Variants in IRAK1BP1 observed in about 807,000 individuals in gnomAD.
The protein encoded by IRAK1BP1 is interleukin-1 receptor-associated kinase 1-binding protein 1.
IRAK1BP1 carries 24 observed loss-of-function variants against 28.0 expected under a neutral mutation model. The ratio of observed to expected loss-of-function variants is 0.86; its 90% CI spans 0.62 to 1.20. The LOEUF is 1.20. Among genes scored for constraint, IRAK1BP1 ranks in the 50% most tolerant of loss-of-function variants. The probability of loss-of-function intolerance (pLI) is 0.00; values close to 1 mark genes in which losing one functional copy is unlikely to be tolerated. For synonymous variants in IRAK1BP1, 131 were observed against 116.3 expected, an observed-to-expected ratio of 1.13 and a Z score of -0.81; for missense variants, 336 against 316.7, an observed-to-expected ratio of 1.06 and a Z score of -0.46.
the IRAK1BP1 span, among the ~76,000 whole-genome samples, chr6:78,978,373 C>G: frequency 4.8e-3 from 735 of 152,094 alleles, 7 homozygotes; most frequent in African/African-American, 0.017. Flanking sequence ...AAAACACTAA[C>G]AAAATTTTCA....
At chr6:78,921,152 G>A (rs1772713317) in intron 4 of IRAK1BP1, among the ~76,000 whole-genome samples, 1 of 152,128 alleles carries the variant, frequency 6.6e-6, no homozygotes, top group African/African-American at 2.4e-5. Flanking sequence ...AAGTGCAAGG[G>A]GTCAGGGAAT....
chr6:78,946,257 A>G lies in IRAK1BP1; in HGVS notation c.*917A>G, dbSNP rs1329814816. On this transcript the variant is annotated 3_prime_UTR_variant and NMD_transcript_variant, in exon 5 of 5. Transcript: ENST00000606868. ...GTTTTAAGATCCTTTTTTTCCTTTC[A>G]GGGCTGTAAATAAAATAGTATTGTC... 6 of 1,611,374 alleles carry G rather than the reference A, an allele frequency of 3.7e-6. No individual in the cohort carries two copies. The highest frequency in any genetic ancestry group is 1.7e-5 in the Admixed American group (1 of 59,672).
At chr6:78,941,103 C>T in intron 4 of IRAK1BP1, 1 of 1,613,974 alleles carries the variant, frequency 6.2e-7, no homozygotes, top group Non-Finnish European at 8.5e-7. Flanking sequence ...GAAGGAAGTA[C>T]TTCATCTCTG....
intron 1 of IRAK1BP1, among the ~76,000 whole-genome samples, chr6:78,880,276 G>T (rs1425595072): frequency 1.3e-5 from 2 of 152,106 alleles, no homozygotes; most frequent in Admixed American, 1.3e-4. Flanking sequence ...CTTAATGATT[G>T]AATATCCCAA....
At chr6:78,966,603 AAAC>A in the IRAK1BP1 span, among the ~76,000 whole-genome samples, 1 of 152,186 alleles carries the variant, frequency 6.6e-6, no homozygotes, top group Non-Finnish European at 1.5e-5. Context: ...AACAAAAATA[AAAC>A]AACTATTCTT....
chr6:78,882,007 G>A (rs1466202300), intron 1 of IRAK1BP1, among the ~76,000 whole-genome samples: 2 of 152,078 alleles, frequency 1.3e-5, no homozygotes, highest in South Asian at 2.1e-4. Context: ...GTATCTGTGT[G>A]CGTATATATA....
At chr6:78,955,092 TA>T in the IRAK1BP1 span, 1 of 883,722 alleles carries the variant, frequency 1.1e-6, no homozygotes. Context: ...CACCAAGTTC[TA>T]AAAAACATAC....
chr6:78,885,448 G>GTCCT lies in IRAK1BP1; in HGVS notation c.381+6_381+7insCCTT, dbSNP rs776690162. 1.3e-4 allele frequency: 153 copies of GTCCT among 1,159,794 alleles called. 1 individual carries two copies. The highest frequency in any genetic ancestry group is 1.7e-4 in the Non-Finnish European group (150 of 858,394). 71.8% of individuals were successfully genotyped at this position (1,159,794 alleles called of 1,614,324 possible). A position where few individuals can be genotyped will look rare whatever the true frequency, so the allele number is the denominator to read the frequency against. On this transcript the variant is annotated splice_donor_region_variant and intron_variant, in intron 2 of 3. Coordinates refer to ENST00000369940, the MANE Select transcript of IRAK1BP1 (RefSeq NM_001010844.4). Reference sequence around the variant, plus strand: ...GCTTATCACATGGAAGCAGAGGTATGTACTTAACAAATAATTGGAAGCAGC... The same window carrying GTCCT: ...GCTTATCACATGGAAGCAGAGGTATGTCCTTACTTAACAAATAATTGGAAGCAGC...
At chr6:78,933,238 A>G (rs1773121840) in intron 4 of IRAK1BP1, among the ~76,000 whole-genome samples, 1 of 152,250 alleles carries the variant, frequency 6.6e-6, no homozygotes, top group Non-Finnish European at 1.5e-5. Context: ...GATTTTCATC[A>G]ATGATATTAG....
chr6:78,869,183 G>T (rs887786175), intron 1 of IRAK1BP1, among the ~76,000 whole-genome samples: 1 of 152,148 alleles, frequency 6.6e-6, no homozygotes, highest in African/African-American at 2.4e-5. Context: ...AAGTTTTTAA[G>T]TTATTTACAT....
At chr6:78,877,172 G>A (rs1057232563) in intron 1 of IRAK1BP1, among the ~76,000 whole-genome samples, 1 of 152,176 alleles carries the variant, frequency 6.6e-6, no homozygotes, top group South Asian at 2.1e-4. Context: ...ATTACAGTTA[G>A]GCTAGGTGTG....
At chr6:78,931,986 T>C (rs1177369361) in intron 4 of IRAK1BP1, among the ~76,000 whole-genome samples, 1 of 152,258 alleles carries the variant, frequency 6.6e-6, no homozygotes, top group Non-Finnish European at 1.5e-5. Flanking sequence ...ACTAAGTTTA[T>C]GTAGTATTTA....
rs1188168033 is a variant in IRAK1BP1, at chr6:78,946,142, T to C, written c.*802T>C. ...CGAACCACAGAACTAGATTCTGTTTTACCGTTTATCTGAGCAGCATTGTGT... is the reference window on the plus strand; with the variant it reads ...CGAACCACAGAACTAGATTCTGTTTCACCGTTTATCTGAGCAGCATTGTGT... On this transcript the variant is annotated 3_prime_UTR_variant and NMD_transcript_variant, in exon 5 of 5. Transcript: ENST00000606868. 6.2e-7 allele frequency: 1 copy of C among 1,614,160 alleles called. No individual in the cohort carries two copies. Among genetic ancestry groups the C allele is most frequent in the Admixed American group, 1.7e-5 (1 of 60,026 alleles).
the IRAK1BP1 span, among the ~76,000 whole-genome samples, chr6:78,953,575 G>C: frequency 6.6e-6 from 1 of 152,074 alleles, no homozygotes; most frequent in Non-Finnish European, 1.5e-5. Context: ...TGAAAGGTGA[G>C]GTTCTAATTA....
chr6:78,959,784 T>C, the IRAK1BP1 span, among the ~76,000 whole-genome samples: 1 of 152,164 alleles, frequency 6.6e-6, no homozygotes, highest in Admixed American at 6.6e-5. Flanking sequence ...ATATAATGTA[T>C]CTTGAAATAC....
chr6:78,875,047 C>A (rs1472526669), intron 1 of IRAK1BP1, among the ~76,000 whole-genome samples: 1 of 151,954 alleles, frequency 6.6e-6, no homozygotes, highest in East Asian at 1.9e-4. Flanking sequence ...GGAAAAAAAA[C>A]AATCTCGTGA....
intron 2 of IRAK1BP1, among the ~76,000 whole-genome samples, chr6:78,888,859 T>C (rs533419414): frequency 2.6e-5 from 4 of 152,136 alleles, no homozygotes; most frequent in Admixed American, 2.6e-4. Context: ...GGCTCATGCC[T>C]CTAATCCCAG....
At position 78,871,521 on chromosome 6, in the gene IRAK1BP1, C is replaced by T. The variant is rs560013974; in HGVS notation, c.315+3630C>T. The T allele has an allele frequency of 7.7e-5, 76 of 985,434 alleles. No homozygotes were observed. In the African/African-American group the frequency reaches 1.2e-3, roughly 16 times the overall value. 61.0% of individuals were successfully genotyped at this position (985,434 alleles called of 1,614,324 possible). On this transcript the variant is annotated intron_variant, in intron 1 of 3. Transcript: ENST00000369940. ...GAACAGCAGACGAGAACTTACCTTA[C>T]ATCATGACACATCAAGGCATATAGT...
At chr6:78,963,061 C>T in the IRAK1BP1 span, 1 of 1,530,004 alleles carries the variant, frequency 6.5e-7, no homozygotes, top group South Asian at 1.3e-5. Context: ...TTGTGTTCTG[C>T]CAGTTTTTTC....
Sources: allele counts gnomAD v4.1 joint callset (sites outside exome capture counted in the v4.1 genomes callset), GRCh38; gene constraint gnomAD v4.1.1; transcripts MANE v1.5; gene names NCBI Gene and HGNC (gene_info 2026-07-23, HGNC 2026-07-21).